The following TRPM3 variants were observed in gnomAD, a reference collection of about 807,000 sequenced individuals.
TRPM3 encodes transient receptor potential cation channel subfamily M member 3.
A neutral mutation model predicts 181.2 loss-of-function variants in TRPM3; 77 were observed. The observed-to-expected ratio is 0.42, with a 90% CI of 0.35 to 0.51. The LOEUF (loss-of-function observed/expected upper bound fraction) is 0.51, where lower values mean the gene tolerates loss of function less well. Ranked by LOEUF, TRPM3 falls within the 20% of genes least tolerant of loss-of-function variation. TRPM3 has a pLI of 0.01. For missense variants in TRPM3, 1,759 were observed against 2,196.7 expected, an observed-to-expected ratio of 0.80 and a Z score of 3.98; for synonymous variants, 745 against 796.4, an observed-to-expected ratio of 0.94 and a Z score of 1.09.
At chr9:70,995,488 C>T (rs1368446170) in intron 1 of TRPM3, among the ~76,000 whole-genome samples, 1 of 151,442 alleles carries the variant, frequency 6.6e-6, no homozygotes, top group African/African-American at 2.4e-5. Flanking sequence ...TTTTTTTTAA[C>T]TGCGTTATGT....
chr9:71,334,916 T>C (rs1301750851), intron 1 of TRPM3, among the ~76,000 whole-genome samples: 1 of 152,176 alleles, frequency 6.6e-6, no homozygotes, highest in Non-Finnish European at 1.5e-5. Flanking sequence ...TGTTGGTTTA[T>C]TCTCCATATA....
At chr9:71,108,612 T>C (rs896374812) in intron 1 of TRPM3, among the ~76,000 whole-genome samples, 1 of 152,178 alleles carries the variant, frequency 6.6e-6, no homozygotes, top group African/African-American at 2.4e-5. Flanking sequence ...CTAGGCACTA[T>C]ACCAAGTGTT....
intron 12 of TRPM3, among the ~76,000 whole-genome samples, chr9:70,626,050 A>G (rs1405053160): frequency 6.6e-6 from 1 of 152,126 alleles, no homozygotes; most frequent in African/African-American, 2.4e-5. Context: ...AGAATTAAGG[A>G]GATTTTCATT....
intron 1 of TRPM3, among the ~76,000 whole-genome samples, chr9:71,381,203 A>C (rs1311039688): frequency 1.3e-5 from 2 of 152,172 alleles, no homozygotes; most frequent in African/African-American, 2.4e-5. Context: ...ATAATAAATG[A>C]TAGAGGACAG....
rs142899826 is a variant in TRPM3, at chr9:70,537,283, G to A, written c.3830C>T (p.Thr1277Met). The change falls in exon 26 of 26, where the codon ACG becomes ATG. Residue 1277 changes from threonine to methionine, a missense_variant. Coordinates refer to ENST00000677713, the MANE Select transcript of TRPM3 (RefSeq NM_001366145.2). ...CAGACCTGTCAGGCGCTCCAGGGCC[G>A]TGGCCATGCGCCCGATAAGGTCTTC... ...QLEDLIGRMA[T>M]ALERLTGLER... 2.6e-5 allele frequency: 41 copies of A among 1,566,308 alleles called. No homozygotes were observed. Among genetic ancestry groups the A allele is most frequent in the African/African-American group, 2.7e-5 (2 of 73,400 alleles).
intron 17 of TRPM3, among the ~76,000 whole-genome samples, chr9:70,617,154 G>A (rs965141390): frequency 1.3e-5 from 2 of 152,194 alleles, no homozygotes; most frequent in African/African-American, 4.8e-5. Context: ...TGAATTCTGG[G>A]TGCCTGGCCG....
intron 1 of TRPM3, among the ~76,000 whole-genome samples, chr9:71,199,535 T>C (rs1436607331): frequency 6.6e-6 from 1 of 152,184 alleles, no homozygotes; most frequent in Admixed American, 6.5e-5. Flanking sequence ...CTATTGATTA[T>C]TGCCACAATT....
At chr9:71,122,001 A>G (rs1302735203), upstream of TRPM3, among the ~76,000 whole-genome samples, 3 of 152,246 alleles carry the variant, frequency 2.0e-5, no homozygotes, top group African/African-American at 7.2e-5. Flanking sequence ...AATCGGTTGC[A>G]TAGATGACAG....
chr9:71,406,116 A>T (rs12377386), intron 1 of TRPM3, among the ~76,000 whole-genome samples: 1 of 152,170 alleles, frequency 6.6e-6, no homozygotes, highest in Non-Finnish European at 1.5e-5. Flanking sequence ...TCTACTAAAA[A>T]TACAACAACA....
At chr9:71,316,477 G>T (rs2088601590) in intron 1 of TRPM3, among the ~76,000 whole-genome samples, 1 of 152,198 alleles carries the variant, frequency 6.6e-6, no homozygotes, top group African/African-American at 2.4e-5. Flanking sequence ...CCTGGAGAAA[G>T]GAAGATTATC....
intron 1 of TRPM3, among the ~76,000 whole-genome samples, chr9:71,408,979 C>G (rs1356962333): frequency 6.6e-6 from 1 of 152,146 alleles, no homozygotes; most frequent in Non-Finnish European, 1.5e-5. Flanking sequence ...AATTTTCAAC[C>G]CAGAATTTCA....
intron 7 of TRPM3, among the ~76,000 whole-genome samples, chr9:70,770,760 C>T (rs1032499587): frequency 6.6e-6 from 1 of 152,150 alleles, no homozygotes; most frequent in Non-Finnish European, 1.5e-5. Context: ...ATGGAAAGCA[C>T]CTGGCACTGT....
At chr9:70,755,090 T>C (rs1282052741) in intron 8 of TRPM3, among the ~76,000 whole-genome samples, 1 of 152,270 alleles carries the variant, frequency 6.6e-6, no homozygotes, top group East Asian at 1.9e-4. Context: ...TTCTAACTTA[T>C]TTTTGCCCGG....
chr9:70,643,455 G>A (rs1180048217), intron 9 of TRPM3, among the ~76,000 whole-genome samples: 1 of 152,178 alleles, frequency 6.6e-6, no homozygotes, highest in Non-Finnish European at 1.5e-5. Context: ...TGAGCTACAG[G>A]CCTGAATGTA....
At chr9:71,220,142 C>G (rs1388969313) in intron 1 of TRPM3, among the ~76,000 whole-genome samples, 1 of 152,158 alleles carries the variant, frequency 6.6e-6, no homozygotes, top group Non-Finnish European at 1.5e-5. Flanking sequence ...TAAAGCCCCT[C>G]TAGTGCTAGT....
At chr9:70,932,220 C>A (rs2096782242) in intron 1 of TRPM3, among the ~76,000 whole-genome samples, 1 of 152,074 alleles carries the variant, frequency 6.6e-6, no homozygotes, top group Non-Finnish European at 1.5e-5. Context: ...GCCAGCCTTC[C>A]TCTTGGAGCT....
intron 1 of TRPM3, among the ~76,000 whole-genome samples, chr9:70,986,813 G>A (rs953143549): frequency 1.2e-4 from 18 of 152,058 alleles, no homozygotes; most frequent in Admixed American, 1.1e-3. Flanking sequence ...CACCTCAGAG[G>A]AGGACACGGT....
intron 1 of TRPM3, among the ~76,000 whole-genome samples, chr9:71,173,946 T>C (rs1322288012): frequency 1.3e-5 from 2 of 152,162 alleles, no homozygotes; most frequent in African/African-American, 2.4e-5. Context: ...CATTCCACAT[T>C]CACTGCACTC....
intron 22 of TRPM3, among the ~76,000 whole-genome samples, chr9:70,587,669 G>A (rs1018185098): frequency 3.3e-5 from 5 of 152,148 alleles, no homozygotes; most frequent in African/African-American, 1.2e-4. Flanking sequence ...CAGAGGCCAT[G>A]CCACATGGGT....
Sources: gnomAD v4.1 joint callset for allele counts (sites outside exome capture counted in the v4.1 genomes callset) on GRCh38, gnomAD v4.1.1 for gene constraint, MANE v1.5 for transcripts, NCBI Gene and HGNC (gene_info 2026-07-23, HGNC 2026-07-21) for gene names.